CHRNA5: variants seen among roughly 807,000 people sequenced by gnomAD.
CHRNA5 encodes the protein cholinergic receptor nicotinic alpha 5 subunit, also known as neuronal acetylcholine receptor subunit alpha-5.
A neutral mutation model predicts 41.2 loss-of-function variants in CHRNA5; 28 were observed. That is an observed-to-expected ratio of 0.68 (90% CI 0.50 to 0.93). The LOEUF (loss-of-function observed/expected upper bound fraction) is 0.93. CHRNA5 is among the 40% of genes least tolerant of loss of function. The probability of loss-of-function intolerance (pLI) is 0.00; values close to 1 mark genes in which losing one functional copy is unlikely to be tolerated. For missense variants in CHRNA5, 481 were observed against 581.9 expected (o/e 0.83, Z 1.78); for synonymous variants, 188 against 205.8 (o/e 0.91, Z 0.74).
exon 1 of CHRNA5, chr15:78,565,708 GGGCGCGGGGCGATGGC>G: frequency 8.9e-7 from 1 of 1,125,406 alleles, no homozygotes; most frequent in African/African-American, 1.6e-5. Context: ...GGTCCCGCGC[GGGCGCGGGGCGATGGC>G]GGCGCGGGGG....
rs190004177 is a variant in CHRNA5 at position 78,575,706 on chromosome 15, T to C, written c.107-5105T>C. Among the ~76,000 whole-genome samples the C allele has an allele frequency of 3.9e-4, 60 of 152,038 alleles. 1 individual carries two copies. Among genetic ancestry groups the C allele is most frequent in the Non-Finnish European group, 4.4e-5 (3 of 67,948 alleles). On this transcript the variant is annotated intron_variant, in intron 1 of 5. Transcript: ENST00000299565. ...AAGAACGACCCTGTGCTGGCACTTATATCTACACTGTTAGCTAATCCTTAC... is the reference window on the plus strand; with the variant it reads ...AAGAACGACCCTGTGCTGGCACTTACATCTACACTGTTAGCTAATCCTTAC...
intron 4 of CHRNA5, 152 bp from the exon 5 acceptor site, chr15:78,589,653 T>G: frequency 1.7e-6 from 1 of 598,994 alleles, no homozygotes; most frequent in Non-Finnish European, 2.8e-6. Flanking sequence ...GCAGGGTCCC[T>G]ATGTAGCACG....
chr15:78,579,085 T>G (rs895086204), intron 1 of CHRNA5, among the ~76,000 whole-genome samples: 1 of 152,096 alleles, frequency 6.6e-6, no homozygotes, highest in Non-Finnish European at 1.5e-5. Flanking sequence ...TAGATTTTTT[T>G]GAAGAAACAA....
At chr15:78,577,485 T>C (rs2052869532) in intron 1 of CHRNA5, among the ~76,000 whole-genome samples, 1 of 152,230 alleles carries the variant, frequency 6.6e-6, no homozygotes, top group African/African-American at 2.4e-5. Flanking sequence ...TACGAAGATA[T>C]TCACAAAGCA....
chr15:78,593,339 GTTAAA>G (rs2053043228), exon 6 of CHRNA5: 6 of 1,307,248 alleles, frequency 4.6e-6, no homozygotes, highest in Non-Finnish European at 5.1e-6. Context: ...TAAGTTATGT[GTTAAA>G]TTTAGTGCAA....
At chr15:78,575,687 G>C (rs761351366) in intron 1 of CHRNA5, among the ~76,000 whole-genome samples, 1 of 151,886 alleles carries the variant, frequency 6.6e-6, no homozygotes. Flanking sequence ...GAATAAGAAC[G>C]ACCCTGTGCT....
At chr15:78,583,523 C>T (rs1006456553) in intron 2 of CHRNA5, among the ~76,000 whole-genome samples, 3 of 152,036 alleles carry the variant, frequency 2.0e-5, no homozygotes, top group Non-Finnish European at 2.9e-5. Flanking sequence ...GAAACCCCGT[C>T]TCTACTAAAA....
chr15:78,584,163 C>G (rs692780), intron 2 of CHRNA5, among the ~76,000 whole-genome samples: 105,068 of 152,000 alleles, frequency 0.69, 36,723 homozygotes, highest in East Asian at 0.82. Context: ...TGGAGAATGG[C>G]AAATTCACTG....
chr15:78,573,930 G>A (rs1385570308), intron 1 of CHRNA5, among the ~76,000 whole-genome samples: 1 of 149,186 alleles, frequency 6.7e-6, no homozygotes, highest in Admixed American at 6.7e-5. Flanking sequence ...CTGAGTAGCT[G>A]GGACTACAGG....
In CHRNA5 at chr15:78,565,830, G is replaced by T. The variant is rs1375432105; in HGVS notation, c.106+5G>T. ...CGGCGGGCGGCGCGCAGAGAGGTAA[G>T]CCCGGGCTGCAGAGGGGCGGGGCGG... On this transcript the variant is annotated splice_donor_5th_base_variant and intron_variant, in intron 1 of 5. Transcript: ENST00000299565. 1.6e-6 allele frequency: 2 copies of T among 1,220,344 alleles called. No homozygotes were observed. The highest frequency in any genetic ancestry group is 3.1e-5 in the African/African-American group (2 of 63,506). 75.6% of individuals were successfully genotyped at this position (1,220,344 alleles called of 1,614,324 possible). A position where few individuals can be genotyped will look rare whatever the true frequency, so the allele number is the denominator to read the frequency against.
At chr15:78,587,098 G>T (rs1415158788) in intron 3 of CHRNA5, among the ~76,000 whole-genome samples, 1 of 152,168 alleles carries the variant, frequency 6.6e-6, no homozygotes, top group Non-Finnish European at 1.5e-5. Context: ...AGAGGCAAAG[G>T]CATGTCTTAC....
Position 78,588,357 on chromosome 15 carries a change from G to A in CHRNA5, c.347G>A (p.Gly116Asp). The A allele has an allele frequency of 1.3e-6, 2 of 1,592,930 alleles. No individual in the cohort carries two copies. The highest frequency in any genetic ancestry group is 1.7e-6 in the Non-Finnish European group (2 of 1,167,468). ...TTAAGATGGAACCCTGATGACTATG[G>A]TGGAATAAAAGTTATACGTGTTCCT... The change falls in exon 4 of 6, where the codon GGT (glycine) becomes GAT (aspartate). Residue 116 changes from glycine (G) to aspartate (D), a missense_variant. By Grantham distance (94) the Gly-to-Asp change is moderately conservative. Coordinates refer to ENST00000299565, the Ensembl canonical transcript of CHRNA5. The surrounding 1 kb of genome is among the most constrained non-coding windows in gnomAD (Gnocchi z 4.1).
intron 2 of CHRNA5, among the ~76,000 whole-genome samples, chr15:78,582,289 C>G (rs376548843): frequency 6.6e-6 from 1 of 151,960 alleles, no homozygotes; most frequent in East Asian, 1.9e-4. Context: ...AGTTCCAGAC[C>G]AGCCTGGCCA....
At chr15:78,571,577 CCT>C (rs1491394531) in intron 1 of CHRNA5, among the ~76,000 whole-genome samples, 41 of 119,694 alleles carry the variant, frequency 3.4e-4, no homozygotes, top group Middle Eastern at 5.3e-3. Context: ...TGATGCTCTG[CCT>C]TTTTTTTTTT....
chr15:78,593,261 CAAGGGACTG>C, exon 6 of CHRNA5: 1 of 1,605,698 alleles, frequency 6.2e-7, no homozygotes, highest in South Asian at 1.1e-5. Context: ...TGAAGCCTCC[CAAGGGACTG>C]AAGTATACAT....
chr15:78,570,233 A>G (rs182521227), intron 1 of CHRNA5, among the ~76,000 whole-genome samples: 1 of 152,148 alleles, frequency 6.6e-6, no homozygotes, highest in Admixed American at 6.5e-5. Flanking sequence ...TTGAGGAAAC[A>G]TGATATTGTT....
chr15:78,588,326 G>A lies in CHRNA5; in HGVS notation c.316G>A (p.Val106Ile). Residue 106 changes from valine (V) to isoleucine (I), a missense_variant, in exon 4 of 6, where the codon GTA becomes ATA. Val to Ile is a conservative substitution (Grantham distance 29). Transcript: ENST00000299565. The surrounding 1 kb of genome is among the most constrained non-coding windows in gnomAD (Gnocchi z 4.1). The stretch of plus-strand genomic sequence containing the variant: ...CTTTGTTTTAAAGGAATGGATAGAT[G>A]TAAAATTAAGATGGAACCCTGATGA... 6.4e-7 allele frequency: 1 copy of A among 1,568,860 alleles called. No individual in the cohort carries two copies. Among genetic ancestry groups the A allele is most frequent in the Non-Finnish European group, 8.7e-7 (1 of 1,149,348 alleles).
At chr15:78,593,069 C>T (rs1297830384) in intron 5 of CHRNA5, 23 bp from the exon 6 acceptor site, 5 of 1,594,578 alleles carry the variant, frequency 3.1e-6, no homozygotes, top group Non-Finnish European at 4.3e-6. Flanking sequence ...TTATTTAATG[C>T]ATTTTTATTT....
chr15:78,592,789 A>G (rs1369689053), intron 5 of CHRNA5, among the ~76,000 whole-genome samples: 1 of 151,004 alleles, frequency 6.6e-6, no homozygotes, highest in African/African-American at 2.5e-5. Context: ...AGTAAGAATA[A>G]TTTTTTTTAG....
Sources: allele counts gnomAD v4.1 joint callset (sites outside exome capture counted in the v4.1 genomes callset), GRCh38; gene constraint gnomAD v4.1.1; non-coding constraint Gnocchi (gnomAD v3.1); transcripts MANE v1.5; gene names NCBI Gene and HGNC (gene_info 2026-07-23, HGNC 2026-07-21).